Variants in NKAIN2 observed in about 807,000 individuals in gnomAD.
The protein encoded by NKAIN2 is sodium/potassium-transporting ATPase subunit beta-1-interacting protein 2.
In NKAIN2, 14 loss-of-function variants were observed where a neutral mutation model predicts 32.6. The ratio of observed to expected loss-of-function variants is 0.43; its 90% CI spans 0.28 to 0.67. NKAIN2 has a LOEUF of 0.67. Ranked by LOEUF, NKAIN2 falls within the 30% of genes least tolerant of loss-of-function variation. The pLI is 0.17. For missense variants in NKAIN2, 198 were observed against 258.3 expected (o/e 0.77, Z 1.60); for synonymous variants, 80 against 87.2 (o/e 0.92, Z 0.46).
At chr6:124,272,441 G>T (rs1262207723) in intron 1 of NKAIN2, among the ~76,000 whole-genome samples, 2 of 152,180 alleles carry the variant, frequency 1.3e-5, no homozygotes, top group Non-Finnish European at 2.9e-5. Flanking sequence ...GAGCTTGTGG[G>T]TACTCAGAAG....
At chr6:124,537,408 G>A (rs141480877) in intron 3 of NKAIN2, among the ~76,000 whole-genome samples, 1,605 of 152,256 alleles carry the variant, frequency 0.011, 27 homozygotes, top group African/African-American at 0.037. Context: ...AGTGTCCCCA[G>A]TTATAGCACC....
At chr6:123,945,844 C>T (rs1267421072) in intron 1 of NKAIN2, among the ~76,000 whole-genome samples, 2 of 152,102 alleles carry the variant, frequency 1.3e-5, no homozygotes, top group Admixed American at 6.6e-5. Flanking sequence ...GAACGTTTAA[C>T]CCTGATTCCT....
intron 3 of NKAIN2, among the ~76,000 whole-genome samples, chr6:124,509,587 A>G (rs532300514): frequency 6.6e-6 from 1 of 152,332 alleles, no homozygotes; most frequent in Admixed American, 6.5e-5. Flanking sequence ...GACTTGTCTG[A>G]CCATCTGCCA....
At chr6:124,817,180 A>G (rs887778973) in intron 5 of NKAIN2, among the ~76,000 whole-genome samples, 2 of 152,186 alleles carry the variant, frequency 1.3e-5, no homozygotes, top group African/African-American at 4.8e-5. Flanking sequence ...AGCCCAGGAC[A>G]GCTTTGAATA....
intron 5 of NKAIN2, among the ~76,000 whole-genome samples, chr6:124,794,576 C>G (rs1007751118): frequency 3.9e-5 from 6 of 152,182 alleles, no homozygotes; most frequent in African/African-American, 1.4e-4. Flanking sequence ...TCATGTTAGT[C>G]TTATTGCTCA....
At chr6:124,015,504 A>G (rs558247730) in intron 1 of NKAIN2, among the ~76,000 whole-genome samples, 2 of 152,286 alleles carry the variant, frequency 1.3e-5, no homozygotes, top group Non-Finnish European at 2.9e-5. Context: ...GTCACACAGT[A>G]TGCTTCATGC....
chr6:124,203,952 C>T (rs1211960737), intron 1 of NKAIN2, among the ~76,000 whole-genome samples: 1 of 151,844 alleles, frequency 6.6e-6, no homozygotes, highest in Admixed American at 6.6e-5. Flanking sequence ...TGCTTCACCT[C>T]TGAGTGAATC....
intron 4 of NKAIN2, among the ~76,000 whole-genome samples, chr6:124,756,846 A>AT (rs1777988790): frequency 6.6e-6 from 1 of 152,124 alleles, no homozygotes; most frequent in African/African-American, 2.4e-5. Flanking sequence ...GTTATATATC[A>AT]TAGAAGCATT....
chr6:124,492,515 T>C (rs966641977), intron 3 of NKAIN2, among the ~76,000 whole-genome samples: 2 of 151,864 alleles, frequency 1.3e-5, no homozygotes, highest in East Asian at 3.9e-4. Context: ...ATTAAAATAG[T>C]GTCTCTTAGA....
chr6:123,842,985 C>T (rs1038889153), intron 1 of NKAIN2, among the ~76,000 whole-genome samples: 13 of 152,154 alleles, frequency 8.5e-5, no homozygotes, highest in African/African-American at 2.7e-4. Flanking sequence ...TAGGGGTACA[C>T]AGGTGAGCAA....
intron 3 of NKAIN2, among the ~76,000 whole-genome samples, chr6:124,403,142 G>T (rs977991266): frequency 2.6e-5 from 4 of 151,884 alleles, no homozygotes; most frequent in African/African-American, 7.3e-5. Flanking sequence ...CATAAATATG[G>T]CATGTCTCCT....
chr6:124,700,721 G>A (rs1285772514), intron 4 of NKAIN2, among the ~76,000 whole-genome samples: 1 of 151,982 alleles, frequency 6.6e-6, no homozygotes, highest in African/African-American at 2.4e-5. Context: ...TTTCTGACAT[G>A]AACCTAGAGA....
intron 1 of NKAIN2, among the ~76,000 whole-genome samples, chr6:124,215,322 T>C (rs1233256439): frequency 1.3e-5 from 2 of 152,118 alleles, no homozygotes; most frequent in African/African-American, 4.8e-5. Flanking sequence ...ACATCTCACT[T>C]ACAAGATTTT....
At chr6:124,439,174 G>A (rs1583254495) in intron 3 of NKAIN2, among the ~76,000 whole-genome samples, 1 of 152,072 alleles carries the variant, frequency 6.6e-6, no homozygotes. Flanking sequence ...TTACGCTTCC[G>A]CTCTAAAGAA....
chr6:124,263,062 T>G (rs1289463837), intron 1 of NKAIN2, among the ~76,000 whole-genome samples: 1 of 152,210 alleles, frequency 6.6e-6, no homozygotes, highest in Non-Finnish European at 1.5e-5. Flanking sequence ...AATTAAAAAC[T>G]TATTGGACTA....
intron 2 of NKAIN2, among the ~76,000 whole-genome samples, chr6:124,348,165 C>T (rs535265078): frequency 3.2e-4 from 48 of 152,196 alleles, no homozygotes; most frequent in Non-Finnish European, 6.6e-4. Flanking sequence ...TCGTGATCCG[C>T]GAATGCTGCT....
intron 3 of NKAIN2, among the ~76,000 whole-genome samples, chr6:124,361,257 T>A (rs1447334589): frequency 6.6e-6 from 1 of 152,088 alleles, no homozygotes; most frequent in Non-Finnish European, 1.5e-5. Context: ...TCTTCTGGAT[T>A]GTCCGTAAAA....
intron 4 of NKAIN2, among the ~76,000 whole-genome samples, chr6:124,774,430 T>C (rs992324793): frequency 6.6e-6 from 1 of 152,154 alleles, no homozygotes; most frequent in African/African-American, 2.4e-5. Flanking sequence ...ATGGATACAG[T>C]TAGGTGTAGT....
chr6:124,018,899 G>A (rs746991373), intron 1 of NKAIN2, among the ~76,000 whole-genome samples: 1 of 152,062 alleles, frequency 6.6e-6, no homozygotes, highest in South Asian at 2.1e-4. Flanking sequence ...GTATTAGTCT[G>A]TTCTCATGCT....
Sources: gnomAD v4.1 joint callset for allele counts (sites outside exome capture counted in the v4.1 genomes callset) on GRCh38, gnomAD v4.1.1 for gene constraint, MANE v1.5 for transcripts, NCBI Gene and HGNC (gene_info 2026-07-23, HGNC 2026-07-21) for gene names.